Variants in IL31RA observed in about 807,000 individuals in gnomAD.
IL31RA encodes interleukin-31 receptor subunit alpha.
In IL31RA, 66 loss-of-function variants were observed where a neutral mutation model predicts 83.7. The ratio of observed to expected loss-of-function variants is 0.79; its 90% CI spans 0.65 to 0.97. The LOEUF is 0.97. Ranked by LOEUF, IL31RA falls within the 50% of genes least tolerant of loss-of-function variation. The pLI, the probability that IL31RA is intolerant of heterozygous loss-of-function variation, is 0.00. For missense variants in IL31RA, 798 were observed against 919.4 expected, an observed-to-expected ratio of 0.87 and a Z score of 1.71; for synonymous variants, 325 against 329.0, an observed-to-expected ratio of 0.99 and a Z score of 0.13.
In IL31RA at chr5:55,890,019, A is replaced by G; in HGVS notation, c.656A>G (p.Asn219Ser). ...CGTAAGGATAAAAACCAAACGTACA[A>G]CCTCACGGGGCTGCAGCCTTTTACA... is the stretch of plus-strand genomic sequence containing the variant. Reference protein sequence around the residue: ...KNRKDKNQTYNLTGLQPFTEY... With the variant: ...KNRKDKNQTYSLTGLQPFTEY... The change falls in exon 6 of 15, where the codon AAC becomes AGC. Residue 219 changes from asparagine (N) to serine (S), a missense_variant. By Grantham distance (46) the Asn-to-Ser change is conservative. Transcript: ENST00000652347. 1 of 1,613,914 alleles carries G rather than the reference A, an allele frequency of 6.2e-7. No homozygotes were observed. Among genetic ancestry groups the G allele is most frequent in the Non-Finnish European group, 8.5e-7 (1 of 1,179,878 alleles).
intron 7 of IL31RA, among the ~76,000 whole-genome samples, chr5:55,898,533 A>AT (rs1183180759): frequency 5.3e-5 from 8 of 150,958 alleles, no homozygotes; most frequent in African/African-American, 1.7e-4. Context: ...AAAGAATGTT[A>AT]TTTAAAAAAG....
At chr5:55,865,298 C>T (rs1432465616) in intron 2 of IL31RA, among the ~76,000 whole-genome samples, 1 of 152,150 alleles carries the variant, frequency 6.6e-6, no homozygotes, top group East Asian at 1.9e-4. Context: ...GATAGAAAGC[C>T]TTTGAACTGC....
rs1392357706 is a variant in IL31RA, at chr5:55,917,766, A to T, written c.*646A>T. Among the ~76,000 whole-genome samples the T allele has an allele frequency of 1.5e-5, 2 of 130,210 alleles. No homozygotes were observed. Among genetic ancestry groups the T allele is most frequent in the Non-Finnish European group, 3.0e-5 (2 of 66,914 alleles). The allele number at this position is 130,210 out of a possible 152,430, so 85.4% of individuals were successfully genotyped here. On this transcript the variant is annotated 3_prime_UTR_variant, in exon 15 of 15. Coordinates refer to ENST00000652347, the MANE Select transcript of IL31RA (RefSeq NM_139017.7). ...CCCAATTTAGACTGCATTGACTACT[A>T]AAAAATCAAGGAATGGGGAGGGCCC...
intron 12 of IL31RA, 90 bp from the exon 13 acceptor site, chr5:55,913,387 G>T (rs1749613249): frequency 1.2e-6 from 1 of 836,290 alleles, no homozygotes; most frequent in African/African-American, 1.7e-5. Flanking sequence ...ACATTGTGTT[G>T]CTGAAGCTAC....
chr5:55,902,578 A>C (rs1249587136), intron 8 of IL31RA: 1 of 152,194 alleles, frequency 6.6e-6, no homozygotes, highest in Non-Finnish European at 1.5e-5. Flanking sequence ...TTGAGGCTGC[A>C]GTGAGCCGAG....
Position 55,916,977 on chromosome 5 carries a change from C to A in IL31RA, c.2152C>A (p.Gln718Lys). ...PEGTRPEAKE[Q>K]LLFSGQSLVP... ...GGGGACCCGCCCAGAAGCCAAAGAG[C>A]AGCTTCTCTTTTCTGGTCAAAGTTT... is the stretch of plus-strand genomic sequence containing the variant. The change falls in exon 15 of 15, where the codon CAG becomes AAG. Residue 718 changes from glutamine to lysine, a missense_variant. Transcript: ENST00000652347. 6.2e-7 allele frequency: 1 copy of A among 1,613,990 alleles called. No individual in the cohort carries two copies. Among genetic ancestry groups the A allele is most frequent in the Non-Finnish European group, 8.5e-7 (1 of 1,179,882 alleles).
Position 55,896,446 on chromosome 5 carries a change from T to C in IL31RA, c.852+17T>C. On this transcript the variant is annotated intron_variant, in intron 7 of 14. Transcript: ENST00000652347. Reference sequence around the variant, plus strand: ...TTATGGAAGGTGACCTCCCTCTGGATTCTTTTTCTCTCTCTTTCTTCCCCT... The same window carrying C: ...TTATGGAAGGTGACCTCCCTCTGGACTCTTTTTCTCTCTCTTTCTTCCCCT... 3 of 1,566,932 alleles carry C rather than the reference T, an allele frequency of 1.9e-6. No homozygotes were observed. Among genetic ancestry groups the C allele is most frequent in the Non-Finnish European group, 2.6e-6 (3 of 1,137,756 alleles).
chr5:55,896,457 T>C (rs372053402), intron 7 of IL31RA, 28 bp downstream of exon 7: 31 of 1,481,706 alleles, frequency 2.1e-5, no homozygotes, highest in Non-Finnish European at 2.8e-5. Flanking sequence ...TCTTTTTCTC[T>C]CTCTTTCTTC....
intron 2 of IL31RA, among the ~76,000 whole-genome samples, chr5:55,865,653 G>T (rs1285837493): frequency 6.6e-6 from 1 of 152,120 alleles, no homozygotes; most frequent in Non-Finnish European, 1.5e-5. Flanking sequence ...TTATTCAGAT[G>T]TGCAGAGAAA....
intron 8 of IL31RA, among the ~76,000 whole-genome samples, chr5:55,904,931 C>T (rs1329370476): frequency 1.3e-5 from 2 of 149,892 alleles, no homozygotes; most frequent in African/African-American, 4.9e-5. Context: ...CGTGGTGGCT[C>T]GTGCCTGTAA....
chr5:55,882,711 G>A (rs1428750107), intron 4 of IL31RA, among the ~76,000 whole-genome samples: 6 of 151,262 alleles, frequency 4.0e-5, no homozygotes, highest in Non-Finnish European at 8.8e-5. Context: ...GAGAGGCCTA[G>A]GGGAGGTGAG....
chr5:55,873,301 T>C (rs1746648073), intron 4 of IL31RA, among the ~76,000 whole-genome samples: 1 of 152,178 alleles, frequency 6.6e-6, no homozygotes, highest in Non-Finnish European at 1.5e-5. Context: ...TGTTTACCCA[T>C]ACATCAGTTT....
upstream of IL31RA, among the ~76,000 whole-genome samples, chr5:55,849,235 T>G (rs1390287860): frequency 6.6e-6 from 1 of 151,978 alleles, no homozygotes; most frequent in Non-Finnish European, 1.5e-5. Context: ...TTTCTGGGGT[T>G]TATTTCCATA....
chr5:55,861,906 A>G (rs976975248), intron 2 of IL31RA, among the ~76,000 whole-genome samples: 6 of 152,214 alleles, frequency 3.9e-5, no homozygotes, highest in African/African-American at 1.4e-4. Flanking sequence ...TTTTCAAAAC[A>G]CTGACTTTGC....
chr5:55,922,261 T>C lies in IL31RA; in HGVS notation c.*5141T>C. Reference sequence around the variant, plus strand: ...GCTGCCCAAGACGCTTGTCGTGTGCTGATGAAAAGGGCTGGGGAGAAGCAA... The same window carrying C: ...GCTGCCCAAGACGCTTGTCGTGTGCCGATGAAAAGGGCTGGGGAGAAGCAA... On this transcript the variant is annotated 3_prime_UTR_variant, in exon 15 of 15. Coordinates refer to ENST00000652347, the MANE Select transcript of IL31RA (RefSeq NM_139017.7). 1.4e-6 allele frequency: 1 copy of C among 738,868 alleles called. No homozygotes were observed. Among genetic ancestry groups the C allele is most frequent in the South Asian group, 1.5e-5 (1 of 67,044 alleles). 45.8% of individuals were successfully genotyped at this position (738,868 alleles called of 1,614,324 possible). A position where few individuals can be genotyped will look rare whatever the true frequency, so the allele number is the denominator to read the frequency against.
intron 2 of IL31RA, among the ~76,000 whole-genome samples, chr5:55,868,127 C>T (rs1450750926): frequency 1.3e-5 from 2 of 152,144 alleles, no homozygotes; most frequent in Non-Finnish European, 2.9e-5. Context: ...TCCTAAATTT[C>T]AACAGTAGGT....
chr5:55,890,255 C>T, intron 6 of IL31RA, 120 bp downstream of exon 6: 3 of 955,928 alleles, frequency 3.1e-6, no homozygotes, highest in Non-Finnish European at 5.0e-6. Flanking sequence ...CCCCAGGGGC[C>T]CCCTGTACCA....
rs1385770717 is a variant in IL31RA, at chr5:55,921,738, C to G, written c.*4618C>G. Among the ~76,000 whole-genome samples the G allele has an allele frequency of 6.6e-6, 1 of 152,038 alleles. No individual in the cohort carries two copies. The highest frequency in any genetic ancestry group is 1.5e-5 in the Non-Finnish European group (1 of 68,006). On this transcript the variant is annotated 3_prime_UTR_variant, in exon 15 of 15. Coordinates refer to ENST00000652347, the MANE Select transcript of IL31RA (RefSeq NM_139017.7). ...TGTGTTGCTTTAATCCTTGTGAAGCCAAACTTTTCTTTTTTTATTGTTGCC... is the reference window on the plus strand; with the variant it reads ...TGTGTTGCTTTAATCCTTGTGAAGCGAAACTTTTCTTTTTTTATTGTTGCC...
intron 11 of IL31RA, chr5:55,908,957 C>A: frequency 1.0e-6 from 1 of 976,040 alleles, no homozygotes; most frequent in Non-Finnish European, 1.3e-6. Flanking sequence ...TAGAAGCATT[C>A]ACAATATTGT....
Sources: allele counts gnomAD v4.1 joint callset (sites outside exome capture counted in the v4.1 genomes callset), GRCh38; gene constraint gnomAD v4.1.1; transcripts MANE v1.5; gene names NCBI Gene and HGNC (gene_info 2026-07-23, HGNC 2026-07-21).